The following PTPRN2 variants were observed in gnomAD, a reference collection of about 807,000 sequenced individuals.
PTPRN2 encodes the protein receptor-type tyrosine-protein phosphatase N2.
A neutral mutation model predicts 118.8 loss-of-function variants in PTPRN2; 74 were observed. That is an observed-to-expected ratio of 0.62 (90% CI 0.52 to 0.76). The LOEUF is 0.76. PTPRN2 is among the 30% of genes least tolerant of loss of function. PTPRN2 has a pLI of 0.00. For missense variants in PTPRN2, 1,481 were observed against 1,394.4 expected (o/e 1.06, Z -0.99); for synonymous variants, 641 against 608.0 (o/e 1.05, Z -0.80).
chr7:158,171,927 G>A (rs113913841), intron 5 of PTPRN2, among the ~76,000 whole-genome samples: 17,275 of 152,162 alleles, frequency 0.11, 1,291 homozygotes, highest in Non-Finnish European at 0.17. Context: ...CAGTACAGGC[G>A]ATGGACATTC....
chr7:157,902,814 C>T (rs114154992), intron 11 of PTPRN2, among the ~76,000 whole-genome samples: 255 of 152,248 alleles, frequency 1.7e-3, no homozygotes, highest in African/African-American at 5.6e-3. Flanking sequence ...TCAACGGCAC[C>T]GTCTCTGCTC....
chr7:158,134,770 C>T (rs1219697148), intron 8 of PTPRN2, among the ~76,000 whole-genome samples: 1 of 152,180 alleles, frequency 6.6e-6, no homozygotes, highest in Non-Finnish European at 1.5e-5. Flanking sequence ...GCTGACTATG[C>T]ACCGGGTACA....
chr7:157,771,787 T>TCTCACACA (rs55838542), intron 12 of PTPRN2, among the ~76,000 whole-genome samples: 48,654 of 132,470 alleles, frequency 0.37, 9,570 homozygotes, highest in African/African-American at 0.58. Flanking sequence ...AGACACACAC[T>TCTCACACA]CACAGACACA....
intron 14 of PTPRN2, among the ~76,000 whole-genome samples, chr7:157,631,256 G>A (rs1437485344): frequency 1.2e-4 from 18 of 152,330 alleles, no homozygotes; most frequent in Admixed American, 3.3e-4. Flanking sequence ...GGAATCTTCC[G>A]GAGAAAGTCC....
intron 2 of PTPRN2, among the ~76,000 whole-genome samples, chr7:158,378,018 G>C (rs1396853798): frequency 6.6e-6 from 1 of 152,204 alleles, no homozygotes; most frequent in Non-Finnish European, 1.5e-5. Context: ...AACACAGCCA[G>C]TCCTGATGCC....
chr7:158,540,799 C>T (rs530505164), intron 1 of PTPRN2, among the ~76,000 whole-genome samples: 2 of 152,222 alleles, frequency 1.3e-5, no homozygotes, highest in African/African-American at 2.4e-5. Flanking sequence ...AACAAGTTCT[C>T]GGGGCCTCCA....
chr7:157,795,603 G>T (rs545640415), intron 12 of PTPRN2, among the ~76,000 whole-genome samples: 2 of 152,352 alleles, frequency 1.3e-5, no homozygotes, highest in East Asian at 3.9e-4. Flanking sequence ...TGCTGAGGTT[G>T]ACCTCATGTT....
chr7:157,990,068 C>T lies in PTPRN2; in HGVS notation c.1723+91230G>A, dbSNP rs80328728. ...TGTATTTCTCAACAAAACCTGCCCT[C>T]CATCCCTCTATGAAGAAAAATGCAA... On this transcript the variant is annotated intron_variant, in intron 11 of 22. Transcript: ENST00000389418. The surrounding 1 kb of genome is among the most constrained non-coding windows in gnomAD (Gnocchi z 4.3). 8.9e-3 allele frequency among the ~76,000 whole-genome samples: 1,360 copies of T among 152,248 alleles called. 21 individuals are homozygous for T. The highest frequency in any genetic ancestry group is 0.031 in the African/African-American group (1,306 of 41,520).
chr7:158,532,313 G>A (rs915919709), intron 1 of PTPRN2, among the ~76,000 whole-genome samples: 1 of 152,180 alleles, frequency 6.6e-6, no homozygotes, highest in Non-Finnish European at 1.5e-5. Flanking sequence ...CTATGACCAG[G>A]CTCTTAGATG....
rs1563254612 is a variant in PTPRN2 at position 158,407,221 on chromosome 7, CGTCCTGGGTCCTGGGTCCT to C, written c.163+82495_163+82513del. 5.0e-3 allele frequency among the ~76,000 whole-genome samples: 65 copies of C among 13,098 alleles called. 3 individuals are homozygous for C. The highest frequency in any genetic ancestry group is 0.016 in the African/African-American group (58 of 3,720). The allele number at this position is 13,098 out of a possible 152,430, so 8.6% of individuals were successfully genotyped here. A position where few individuals can be genotyped will look rare whatever the true frequency, so the allele number is the denominator to read the frequency against. On this transcript the variant is annotated intron_variant, in intron 2 of 22. Transcript: ENST00000389418. ...CCTGGGTCCTGGGTCCTGCGTCCTG[CGTCCTGGGTCCTGGGTCCT>C]GGGTCCTGCGTCCTGGGTCCTGGGT...
At chr7:157,922,940 A>C (rs1397978029) in intron 11 of PTPRN2, among the ~76,000 whole-genome samples, 1 of 152,256 alleles carries the variant, frequency 6.6e-6, no homozygotes, top group Admixed American at 6.5e-5. Context: ...CTCTGGGACC[A>C]GCCATCCTTC....
intron 3 of PTPRN2, among the ~76,000 whole-genome samples, chr7:158,226,746 C>A (rs541013701): frequency 2.9e-4 from 44 of 151,130 alleles, no homozygotes; most frequent in Middle Eastern, 3.4e-3. Context: ...GGGGAAGTCC[C>A]ACAACACAGC....
rs1796545553 is a variant in PTPRN2 at position 157,674,107 on chromosome 7, C to G, written c.2001+8618G>C. Among the ~76,000 whole-genome samples, 1 of 152,148 alleles carries G rather than the reference C, an allele frequency of 6.6e-6. No individual in the cohort carries two copies. The highest frequency in any genetic ancestry group is 1.5e-5 in the Non-Finnish European group (1 of 68,022). On this transcript the variant is annotated intron_variant, in intron 13 of 22. Coordinates refer to ENST00000389418, the MANE Select transcript of PTPRN2 (RefSeq NM_002847.5). The surrounding 1 kb of genome is among the most constrained non-coding windows in gnomAD (Gnocchi z 4.5). ...TTAGGGGTGACCCTCGGGCCAACAC[C>G]AATCACAGCTCTGGGGACCCCCACG... is the stretch of plus-strand genomic sequence containing the variant.
Position 158,316,941 on chromosome 7 carries a change from AG to A in PTPRN2, c.164-10del, listed in dbSNP as rs1802383223. The A allele has an allele frequency of 6.3e-7, 1 of 1,594,834 alleles. No homozygotes were observed. Among genetic ancestry groups the A allele is most frequent in the African/African-American group, 1.3e-5 (1 of 74,382 alleles). Reference sequence around the variant, plus strand: ...CCTTCCAAACACTCCATCTGTGAGAAGGGAAGGAGATAAGACAGAACGAGAC... The same window carrying A: ...CCTTCCAAACACTCCATCTGTGAGAAGGAAGGAGATAAGACAGAACGAGAC... On this transcript the variant is annotated splice_polypyrimidine_tract_variant and intron_variant, in intron 2 of 22. Coordinates refer to ENST00000389418, the MANE Select transcript of PTPRN2 (RefSeq NM_002847.5).
At chr7:157,816,979 G>A (rs1385172175) in intron 12 of PTPRN2, among the ~76,000 whole-genome samples, 5 of 152,316 alleles carry the variant, frequency 3.3e-5, no homozygotes, top group South Asian at 2.1e-4. Context: ...ATGGGCTGCC[G>A]ACCACATGCC....
intron 3 of PTPRN2, among the ~76,000 whole-genome samples, chr7:158,286,079 G>A (rs1799751364): frequency 6.6e-6 from 1 of 152,104 alleles, no homozygotes; most frequent in South Asian, 2.1e-4. Context: ...CAGGCTCCCT[G>A]GGCAAATGGA....
At chr7:158,330,033 GAC>G (rs1804053718) in intron 2 of PTPRN2, among the ~76,000 whole-genome samples, 1 of 149,768 alleles carries the variant, frequency 6.7e-6, no homozygotes, top group African/African-American at 2.5e-5. Context: ...CATAAGAGGT[GAC>G]ATCTGCAGAC....
intron 12 of PTPRN2, among the ~76,000 whole-genome samples, chr7:157,719,377 C>T (rs779750014): frequency 6.6e-5 from 10 of 152,262 alleles, no homozygotes; most frequent in Non-Finnish European, 1.2e-4. Flanking sequence ...GTGGGAAGTC[C>T]CCCATTGGGA....
chr7:158,517,307 C>T lies in PTPRN2; in HGVS notation c.113-27522G>A, dbSNP rs1318756869. On this transcript the variant is annotated intron_variant, in intron 1 of 22. Transcript: ENST00000389418. This position sits in a 1 kb window ranked among gnomAD's most constrained non-coding sequence, Gnocchi z 5.3. ...AGCCTTGGAGGAGGCAGAGTGCGGG[C>T]AGCGCCCCCTCACAGAACCGCAGCA... 1.3e-5 allele frequency among the ~76,000 whole-genome samples: 2 copies of T among 152,206 alleles called. No homozygotes were observed. The highest frequency in any genetic ancestry group is 4.8e-5 in the African/African-American group (2 of 41,460).
Sources: allele counts gnomAD v4.1 joint callset (sites outside exome capture counted in the v4.1 genomes callset), GRCh38; gene constraint gnomAD v4.1.1; non-coding constraint Gnocchi (gnomAD v3.1); transcripts MANE v1.5; gene names NCBI Gene and HGNC (gene_info 2026-07-23, HGNC 2026-07-21).